The following MPPED1 variants were observed in gnomAD, a reference collection of about 807,000 sequenced individuals.
The protein encoded by MPPED1 is metallophosphoesterase domain-containing protein 1.
In MPPED1, 16 loss-of-function variants were observed where a neutral mutation model predicts 36.2. The ratio of observed to expected loss-of-function variants is 0.44; its 90% CI spans 0.30 to 0.67. The LOEUF (loss-of-function observed/expected upper bound fraction) is 0.67, where lower values mean the gene tolerates loss of function less well. Among genes scored for constraint, MPPED1 ranks in the 30% least tolerant of loss-of-function variants. MPPED1 has a pLI of 0.10. For missense variants in MPPED1, 307 were observed against 453.4 expected (o/e 0.68, Z 2.93); for synonymous variants, 199 against 191.3 (o/e 1.04, Z -0.33).
chr22:43,464,628 G>T (rs1378033602), intron 3 of MPPED1, among the ~76,000 whole-genome samples: 1 of 152,106 alleles, frequency 6.6e-6, no homozygotes, highest in Non-Finnish European at 1.5e-5. Flanking sequence ...TGGGTGCAAG[G>T]TGGGAGGGGC....
intron 3 of MPPED1, among the ~76,000 whole-genome samples, chr22:43,472,244 A>T (rs917189129): frequency 6.6e-6 from 1 of 152,132 alleles, no homozygotes; most frequent in Non-Finnish European, 1.5e-5. Context: ...TTCAAGTTTT[A>T]AAAAAAAGTT....
chr22:43,493,645 A>G (rs184369736), intron 4 of MPPED1, among the ~76,000 whole-genome samples: 4 of 152,296 alleles, frequency 2.6e-5, no homozygotes, highest in Admixed American at 2.0e-4. Context: ...TCCCTCTTTC[A>G]CGGGGTTCTT....
chr22:43,446,965 G>C (rs970396314), intron 3 of MPPED1, among the ~76,000 whole-genome samples: 2 of 152,182 alleles, frequency 1.3e-5, no homozygotes, highest in Non-Finnish European at 2.9e-5. Context: ...GGTAGCCGGG[G>C]ACCAAGTTGG....
At chr22:43,487,758 C>G (rs949162089) in intron 4 of MPPED1, among the ~76,000 whole-genome samples, 1 of 152,074 alleles carries the variant, frequency 6.6e-6, no homozygotes, top group African/African-American at 2.4e-5. Context: ...GAGCCCTGGC[C>G]CATGCCCTCG....
At chr22:43,500,262 A>AGGTGGCGG (rs1932657498) in intron 5 of MPPED1, among the ~76,000 whole-genome samples, 2 of 19,498 alleles carry the variant, frequency 1.0e-4, no homozygotes, top group Admixed American at 1.4e-3. Flanking sequence ...GATGGTGGTG[A>AGGTGGCGG]TGGTGATGGA....
At chr22:43,445,647 A>T (rs1455594819) in intron 3 of MPPED1, among the ~76,000 whole-genome samples, 3 of 138,680 alleles carry the variant, frequency 2.2e-5, no homozygotes, top group African/African-American at 5.5e-5. Context: ...TGCAGCCTTG[A>T]CCTCCTGGGC....
chr22:43,500,179 T>G (rs370539543), intron 5 of MPPED1, among the ~76,000 whole-genome samples: 1 of 39,084 alleles, frequency 2.6e-5, no homozygotes, highest in Non-Finnish European at 4.2e-5. Flanking sequence ...ATGGAGGTGG[T>G]GGTGATGGTG....
intron 3 of MPPED1, among the ~76,000 whole-genome samples, chr22:43,473,209 G>A (rs751826101): frequency 6.7e-6 from 1 of 149,350 alleles, no homozygotes; most frequent in Non-Finnish European, 1.5e-5. Flanking sequence ...GACAGACCAC[G>A]GTGCCCGTGC....
intron 3 of MPPED1, among the ~76,000 whole-genome samples, chr22:43,449,238 C>T (rs1042497721): frequency 6.6e-5 from 10 of 152,166 alleles, no homozygotes; most frequent in African/African-American, 2.4e-4. Context: ...GGCACTTTCA[C>T]GTTGTTTTCT....
chr22:43,422,736 C>T (rs1601945659), intron 1 of MPPED1, among the ~76,000 whole-genome samples: 2 of 152,202 alleles, frequency 1.3e-5, no homozygotes, highest in East Asian at 1.9e-4. Flanking sequence ...GTGACCATCA[C>T]AGCTGAGGTG....
At chr22:43,458,496 G>A (rs1045689569) in intron 3 of MPPED1, among the ~76,000 whole-genome samples, 4 of 152,284 alleles carry the variant, frequency 2.6e-5, no homozygotes, top group East Asian at 1.9e-4. Flanking sequence ...ATGTTGGCCA[G>A]TCTGGTCTCT....
At chr22:43,424,884 C>T in intron 1 of MPPED1, 24 bp from the exon 2 acceptor site, 1 of 1,499,048 alleles carries the variant, frequency 6.7e-7, no homozygotes, top group South Asian at 1.2e-5. Flanking sequence ...TTAACTGTCG[C>T]ACGGTTCTGC....
chr22:43,412,184 G>GGCGGGC (rs1928924140), intron 1 of MPPED1, 26 bp downstream of exon 1: 1 of 975,562 alleles, frequency 1.0e-6, no homozygotes, highest in East Asian at 1.2e-4. Context: ...GGCGGGGCGC[G>GGCGGGC]GCGGGCGCGG....
chr22:43,432,199 G>GCA, intron 2 of MPPED1, among the ~76,000 whole-genome samples: 2 of 81,572 alleles, frequency 2.5e-5, no homozygotes, highest in African/African-American at 4.3e-5. Flanking sequence ...AACCTCAGAG[G>GCA]CACACAGAGA....
chr22:43,420,229 A>G (rs1446021346), intron 1 of MPPED1, among the ~76,000 whole-genome samples: 2 of 152,154 alleles, frequency 1.3e-5, no homozygotes, highest in African/African-American at 4.8e-5. Flanking sequence ...CTGACTTCAG[A>G]GTCCAGGCTG....
chr22:43,454,086 G>A (rs1166254517), intron 3 of MPPED1, among the ~76,000 whole-genome samples: 1 of 151,494 alleles, frequency 6.6e-6, no homozygotes, highest in Non-Finnish European at 1.5e-5. Context: ...TAGGCTCACT[G>A]CAGCCTCTGC....
chr22:43,471,437 C>G (rs984253454), intron 3 of MPPED1, among the ~76,000 whole-genome samples: 1 of 152,210 alleles, frequency 6.6e-6, no homozygotes, highest in Non-Finnish European at 1.5e-5. Flanking sequence ...GGGGTGGGGT[C>G]AGCTGGACCA....
At chr22:43,450,734 T>C (rs1601969400) in intron 3 of MPPED1, among the ~76,000 whole-genome samples, 2 of 150,116 alleles carry the variant, frequency 1.3e-5, no homozygotes, top group African/African-American at 4.9e-5. Flanking sequence ...TTTTTTTTTC[T>C]TTCTTTTTTG....
chr22:43,475,666 GTGGTGATGGTGATGTGGTGATGGTGATGA>G (rs1418906237), intron 4 of MPPED1, among the ~76,000 whole-genome samples: 1 of 67,900 alleles, frequency 1.5e-5, no homozygotes, highest in Non-Finnish European at 3.1e-5. Flanking sequence ...TGGTGGTGAT[GTGGTGATGGTGATGTGGTGATGGTGATGA>G]TGGTGGTGGT....
Sources: gnomAD v4.1 joint callset for allele counts (sites outside exome capture counted in the v4.1 genomes callset) on GRCh38, gnomAD v4.1.1 for gene constraint, MANE v1.5 for transcripts, NCBI Gene and HGNC (gene_info 2026-07-23, HGNC 2026-07-21) for gene names.